Variants in STK40 observed in about 807,000 individuals in gnomAD.
STK40 encodes serine/threonine kinase 40.
A neutral mutation model predicts 47.9 loss-of-function variants in STK40; 13 were observed. The ratio of observed to expected loss-of-function variants is 0.27; its 90% CI spans 0.18 to 0.43. The LOEUF (loss-of-function observed/expected upper bound fraction) is 0.43, where lower values mean the gene tolerates loss of function less well. STK40 is among the 20% of genes least tolerant of loss of function. STK40 has a pLI of 1.00. For missense variants in STK40, 460 were observed against 595.1 expected, an observed-to-expected ratio of 0.77 and a Z score of 2.36; for synonymous variants, 225 against 243.2, an observed-to-expected ratio of 0.93 and a Z score of 0.69.
chr1:36,346,347 C>T (rs921697532), intron 7 of STK40, among the ~76,000 whole-genome samples: 1 of 152,124 alleles, frequency 6.6e-6, no homozygotes, highest in African/African-American at 2.4e-5. Flanking sequence ...CCCTATTTTA[C>T]AGATGAGAAA....
chr1:36,341,769 A>G lies in STK40; in HGVS notation c.1294T>C (p.Tyr432His). 6.2e-7 allele frequency: 1 copy of G among 1,611,426 alleles called. No individual in the cohort carries two copies. The highest frequency in any genetic ancestry group is 1.1e-5 in the South Asian group (1 of 90,944). Residue 432 changes from tyrosine (Y) to histidine (H), a missense_variant, in exon 11 of 11, where the codon TAC becomes CAC. Coordinates refer to ENST00000373132, the MANE Select transcript of STK40 (RefSeq NM_001282547.2). ...SLDTAILAQR[Y>H]LRK Reference sequence around the variant, plus strand: ...GGCTGAGGCTGTTATTTCCGCAGGTAGCGCTGCGCCAGGATGGCCGTGTCC... The same window carrying G: ...GGCTGAGGCTGTTATTTCCGCAGGTGGCGCTGCGCCAGGATGGCCGTGTCC...
In STK40 at chr1:36,355,283, T is replaced by C. The variant is rs763825929; in HGVS notation, c.493A>G (p.Lys165Glu). 1.2e-5 allele frequency: 20 copies of C among 1,613,962 alleles called. No homozygotes were observed. Among genetic ancestry groups the C allele is most frequent in the Non-Finnish European group, 1.5e-5 (18 of 1,180,014 alleles). ...DLINLQHYVIKEKRLSERETV... is the reference protein window; with the variant it reads ...DLINLQHYVIEEKRLSERETV... Reference sequence around the variant, plus strand: ...TCCCTCTCGCTGAGCCTCTTCTCCTTGATGACGTAGTGCTGCAGGTTGATG... The same window carrying C: ...TCCCTCTCGCTGAGCCTCTTCTCCTCGATGACGTAGTGCTGCAGGTTGATG... Residue 165 changes from lysine (K) to glutamate (E), a missense_variant, in exon 5 of 11, where the codon AAG becomes GAG. Coordinates refer to ENST00000373132, the MANE Select transcript of STK40 (RefSeq NM_001282547.2).
At chr1:36,384,319 G>A (rs1039684652) in intron 1 of STK40, among the ~76,000 whole-genome samples, 4 of 152,132 alleles carry the variant, frequency 2.6e-5, no homozygotes, top group East Asian at 3.8e-4. Flanking sequence ...CATGAGCCAC[G>A]GCGCCCAGCC....
At chr1:36,376,390 A>G (rs966337931) in intron 1 of STK40, among the ~76,000 whole-genome samples, 2 of 152,246 alleles carry the variant, frequency 1.3e-5, no homozygotes, top group African/African-American at 4.8e-5. Flanking sequence ...GTGAAACCAT[A>G]GCCAACAAAG....
At chr1:36,377,696 G>T (rs999594281) in intron 1 of STK40, among the ~76,000 whole-genome samples, 2 of 152,172 alleles carry the variant, frequency 1.3e-5, no homozygotes, top group Admixed American at 6.5e-5. Flanking sequence ...AGAGTGAGAG[G>T]CAGAAGGACA....
chr1:36,354,687 G>A (rs1005728507), intron 5 of STK40, among the ~76,000 whole-genome samples: 6 of 152,118 alleles, frequency 3.9e-5, no homozygotes, highest in Admixed American at 6.5e-5. Flanking sequence ...GGCTGGTGGC[G>A]AAAGTCACTC....
In STK40 at chr1:36,339,690, G is replaced by A. The variant is rs1398469463; in HGVS notation, c.*2065C>T. 1 of 152,690 alleles carries A rather than the reference G, an allele frequency of 6.5e-6. No homozygotes were observed. Among genetic ancestry groups the A allele is most frequent in the African/African-American group, 2.4e-5 (1 of 41,454 alleles). 9.5% of individuals were successfully genotyped at this position (152,690 alleles called of 1,614,324 possible). A position where few individuals can be genotyped will look rare whatever the true frequency, so the allele number is the denominator to read the frequency against. ...GAGTCCCCATGTAGTACAAAAATAT[G>A]TCTTTATACAAACTTTTTTGTGACT... On this transcript the variant is annotated 3_prime_UTR_variant, in exon 11 of 11. Coordinates refer to ENST00000373132, the MANE Select transcript of STK40 (RefSeq NM_001282547.2).
chr1:36,365,734 C>A, intron 1 of STK40, among the ~76,000 whole-genome samples: 1 of 152,152 alleles, frequency 6.6e-6, no homozygotes, highest in East Asian at 1.9e-4. Flanking sequence ...AACCTCATGA[C>A]CAGTGGGTCC....
At chr1:36,368,339 C>G (rs1272738998) in intron 1 of STK40, among the ~76,000 whole-genome samples, 1 of 152,166 alleles carries the variant, frequency 6.6e-6, no homozygotes, top group African/African-American at 2.4e-5. Flanking sequence ...CAGCTTCCAC[C>G]TGCCAGGCCC....
intron 3 of STK40, 102 bp from the exon 4 acceptor site, chr1:36,358,484 T>C (rs532843080): frequency 8.2e-6 from 12 of 1,455,870 alleles, no homozygotes; most frequent in Middle Eastern, 3.6e-4. Context: ...CACATGACAT[T>C]TGTGCACAAT....
intron 1 of STK40, among the ~76,000 whole-genome samples, chr1:36,383,102 C>A (rs1450524363): frequency 6.6e-6 from 1 of 152,192 alleles, no homozygotes; most frequent in Non-Finnish European, 1.5e-5. Flanking sequence ...GCATGCACCA[C>A]CACGTCCGGC....
chr1:36,342,231 G>C (rs1239532100), intron 10 of STK40: 2 of 514,442 alleles, frequency 3.9e-6, no homozygotes, highest in East Asian at 6.9e-5. Flanking sequence ...CTAACTCACT[G>C]GCTGCGTGAG....
intron 1 of STK40, among the ~76,000 whole-genome samples, chr1:36,385,458 C>T (rs1159052123): frequency 6.6e-6 from 1 of 152,212 alleles, no homozygotes; most frequent in Non-Finnish European, 1.5e-5. Context: ...TGACTCTAGG[C>T]AAAGCTGGCA....
chr1:36,349,244 GGTGA>G (rs1162078873), intron 6 of STK40, among the ~76,000 whole-genome samples: 4 of 152,220 alleles, frequency 2.6e-5, no homozygotes, highest in Non-Finnish European at 5.9e-5. Flanking sequence ...GTCCAGCAGA[GGTGA>G]GTGACTCCAC....
chr1:36,373,242 G>A (rs1646965583), intron 1 of STK40, among the ~76,000 whole-genome samples: 1 of 152,198 alleles, frequency 6.6e-6, no homozygotes, highest in South Asian at 2.1e-4. Context: ...TGGGTGAAGG[G>A]TGGGTGCTCC....
At chr1:36,348,841 A>G in intron 6 of STK40, 26 bp from the exon 7 acceptor site, 2 of 1,566,214 alleles carry the variant, frequency 1.3e-6, no homozygotes, top group Non-Finnish European at 1.7e-6. Context: ...AGAGTGAACA[A>G]ACCTCAGTGT....
Position 36,358,231 on chromosome 1 carries a change from C to A in STK40, c.342+8G>T. ...TGAGCGCGAAGGGTGAGGGGGAAGGCCGCTCACCTGGAAGAGGCCGTGGTG... is the reference window on the plus strand; with the variant it reads ...TGAGCGCGAAGGGTGAGGGGGAAGGACGCTCACCTGGAAGAGGCCGTGGTG... On this transcript the variant is annotated splice_region_variant and intron_variant, in intron 4 of 10. Coordinates refer to ENST00000373132, the MANE Select transcript of STK40 (RefSeq NM_001282547.2). 1 of 1,576,454 alleles carries A rather than the reference C, an allele frequency of 6.3e-7. No homozygotes were observed. Among genetic ancestry groups the A allele is most frequent in the Admixed American group, 1.7e-5 (1 of 58,620 alleles).
At chr1:36,353,954 G>T (rs1255257152) in intron 6 of STK40, among the ~76,000 whole-genome samples, 2 of 152,112 alleles carry the variant, frequency 1.3e-5, no homozygotes, top group Admixed American at 1.3e-4. Flanking sequence ...TGTAGAGATG[G>T]GGTCTTCATT....
intron 1 of STK40, among the ~76,000 whole-genome samples, chr1:36,383,070 TC>T (rs1647054600): frequency 6.6e-6 from 1 of 152,194 alleles, no homozygotes; most frequent in Admixed American, 6.5e-5. Flanking sequence ...TGTCTCAGCC[TC>T]CTGAGTAGCT....
Sources: allele counts gnomAD v4.1 joint callset (sites outside exome capture counted in the v4.1 genomes callset), GRCh38; gene constraint gnomAD v4.1.1; transcripts MANE v1.5; gene names NCBI Gene and HGNC (gene_info 2026-07-23, HGNC 2026-07-21).